Variants in STYK1 observed in about 807,000 individuals in gnomAD.
STYK1 encodes STY kinase 1, also known as tyrosine-protein kinase STYK1.
STYK1 carries 46 observed loss-of-function variants against 48.1 expected under a neutral mutation model. The observed-to-expected ratio is 0.96, with a 90% CI of 0.75 to 1.22. STYK1 has a LOEUF of 1.22. Ranked by LOEUF, STYK1 falls within the 50% of genes most tolerant of loss-of-function variation. The pLI, the probability that STYK1 is intolerant of heterozygous loss-of-function variation, is 0.00. For synonymous variants in STYK1, 188 were observed against 189.0 expected (o/e 0.99, Z 0.04); for missense variants, 527 against 521.1 (o/e 1.01, Z -0.11).
At chr12:10,667,812 A>G (rs555198129) in intron 1 of STYK1, among the ~76,000 whole-genome samples, 1 of 152,202 alleles carries the variant, frequency 6.6e-6, no homozygotes, top group East Asian at 1.9e-4. Context: ...GCATCAGGAA[A>G]TGTTTATGTT....
In STYK1 at chr12:10,620,210, AG is replaced by A. The variant is rs763277824; in HGVS notation, c.1202del (p.Pro401LeufsTer33). The A allele has an allele frequency of 1.2e-6, 2 of 1,614,200 alleles. No homozygotes were observed. The highest frequency in any genetic ancestry group is 1.7e-6 in the Non-Finnish European group (2 of 1,180,028). On this transcript the variant is annotated frameshift_variant, in exon 11 of 11. Coordinates refer to ENST00000075503, the MANE Select transcript of STYK1 (RefSeq NM_018423.3). LOFTEE classifies it high-confidence loss of function. ...AVLQVPELVVPELYAAVAGIR... is the reference protein window; with the variant it reads ...AVLQVPELVVXELYAAVAGIR... ...TGCCGGCCACAGCTGCATACAGTTC[AG>A]GTACCACCAACTCTGGTACTTGTAA...
intron 1 of STYK1, among the ~76,000 whole-genome samples, chr12:10,646,678 A>C (rs1823226070): frequency 6.6e-6 from 1 of 152,216 alleles, no homozygotes; most frequent in Non-Finnish European, 1.5e-5. Flanking sequence ...AATGAGGAAA[A>C]TGTCTCCAGG....
intron 1 of STYK1, among the ~76,000 whole-genome samples, chr12:10,647,103 T>G (rs1216737773): frequency 6.6e-6 from 1 of 152,220 alleles, no homozygotes; most frequent in Non-Finnish European, 1.5e-5. Flanking sequence ...ATGTCCCTAT[T>G]GGGGCACCAC....
intron 2 of STYK1, among the ~76,000 whole-genome samples, chr12:10,635,287 T>G (rs548192558): frequency 3.9e-5 from 6 of 152,220 alleles, no homozygotes; most frequent in Non-Finnish European, 8.8e-5. Context: ...TTTCTAGCTC[T>G]AAAGAAAACA....
At chr12:10,639,441 C>T (rs1214933649) in intron 1 of STYK1, among the ~76,000 whole-genome samples, 2 of 150,448 alleles carry the variant, frequency 1.3e-5, no homozygotes, top group African/African-American at 2.4e-5. Context: ...CTGATGGAGT[C>T]TCGCTGTTGT....
chr12:10,634,119 GGATGACTGGGTAGGC>G lies in STYK1; in HGVS notation c.53-10_57del. On this transcript the variant is annotated splice_acceptor_variant and splice_polypyrimidine_tract_variant and coding_sequence_variant and intron_variant, in exon 4 of 11. Transcript: ENST00000075503. LOFTEE classifies it high-confidence loss of function. ...ATAATCACTTCATACTGCTTCTCCT[GGATGACTGGGTAGGC>G]GATCACACAGGAAGAGAAGAGAATG... The G allele has an allele frequency of 6.2e-7, 1 of 1,610,316 alleles. No individual in the cohort carries two copies. Among genetic ancestry groups the G allele is most frequent in the South Asian group, 1.1e-5 (1 of 90,628 alleles).
intron 8 of STYK1, 62 bp downstream of exon 8, chr12:10,624,589 T>C: frequency 6.8e-7 from 1 of 1,474,192 alleles, no homozygotes; most frequent in Admixed American, 1.7e-5. Context: ...GATCAAATCA[T>C]ATTCAGGGAC....
At chr12:10,664,282 G>A (rs186513801) in intron 1 of STYK1, among the ~76,000 whole-genome samples, 10 of 152,274 alleles carry the variant, frequency 6.6e-5, no homozygotes, top group Admixed American at 3.9e-4. Context: ...AGGGACAAGA[G>A]AGTGTGTCCA....
At chr12:10,635,149 G>A (rs1244852415) in intron 2 of STYK1, among the ~76,000 whole-genome samples, 5 of 152,092 alleles carry the variant, frequency 3.3e-5, no homozygotes, top group African/African-American at 1.2e-4. Flanking sequence ...TTGGGATCTT[G>A]CTCTGTAGCC....
At chr12:10,656,365 A>C (rs1307146080) in intron 1 of STYK1, among the ~76,000 whole-genome samples, 1 of 152,112 alleles carries the variant, frequency 6.6e-6, no homozygotes, top group African/African-American at 2.4e-5. Context: ...GGTGGCTCAC[A>C]CCTGTAATCC....
intron 7 of STYK1, 117 bp from the exon 8 acceptor site, chr12:10,624,976 G>T: frequency 1.2e-6 from 1 of 809,080 alleles, no homozygotes; most frequent in Non-Finnish European, 2.1e-6. Flanking sequence ...CTCTGAACAA[G>T]TCTCACTAAT....
At chr12:10,652,497 A>G (rs1947672535) in intron 1 of STYK1, among the ~76,000 whole-genome samples, 1 of 152,224 alleles carries the variant, frequency 6.6e-6, no homozygotes, top group African/African-American at 2.4e-5. Context: ...GAATTATCAT[A>G]TTCCCCACAT....
intron 4 of STYK1, among the ~76,000 whole-genome samples, chr12:10,632,350 AG>A (rs1305342969): frequency 4.6e-5 from 7 of 152,222 alleles, no homozygotes; most frequent in African/African-American, 1.7e-4. Flanking sequence ...TGCTGGTGTC[AG>A]GGAGAGTATT....
intron 1 of STYK1, among the ~76,000 whole-genome samples, chr12:10,671,267 TA>T (rs1465171202): frequency 1.3e-5 from 2 of 151,990 alleles, no homozygotes; most frequent in African/African-American, 4.8e-5. Context: ...GTGCTGGGAT[TA>T]ACAGGCGTGA....
At chr12:10,665,058 T>C (rs10845198) in intron 1 of STYK1, among the ~76,000 whole-genome samples, 99,664 of 152,054 alleles carry the variant, frequency 0.66, 33,052 homozygotes, top group African/African-American at 0.76. Context: ...AAGTATGAAA[T>C]ATGGGTGAGG....
intron 1 of STYK1, among the ~76,000 whole-genome samples, chr12:10,663,344 G>A (rs970180779): frequency 1.3e-5 from 2 of 152,088 alleles, no homozygotes; most frequent in African/African-American, 2.4e-5. Flanking sequence ...CAGGCGCGGT[G>A]GCTCACGCCT....
At chr12:10,670,394 T>C (rs1451781302) in intron 1 of STYK1, among the ~76,000 whole-genome samples, 2 of 152,202 alleles carry the variant, frequency 1.3e-5, no homozygotes, top group African/African-American at 2.4e-5. Context: ...AATGAACTAT[T>C]ATTCAGCCTT....
intron 8 of STYK1, among the ~76,000 whole-genome samples, chr12:10,622,937 T>C (rs1216470143): frequency 2.0e-5 from 3 of 152,166 alleles, no homozygotes; most frequent in African/African-American, 4.8e-5. Flanking sequence ...TTTGTTATTA[T>C]TTGCAAATGT....
intron 1 of STYK1, among the ~76,000 whole-genome samples, chr12:10,660,632 G>T (rs1947766732): frequency 2.6e-5 from 4 of 151,232 alleles, no homozygotes; most frequent in South Asian, 2.1e-4. Flanking sequence ...TGACATTTCT[G>T]ATAAAACAGA....
Sources: allele counts gnomAD v4.1 joint callset (sites outside exome capture counted in the v4.1 genomes callset), GRCh38; gene constraint gnomAD v4.1.1; transcripts MANE v1.5; gene names NCBI Gene and HGNC (gene_info 2026-07-23, HGNC 2026-07-21).